The following FBXL7 variants were observed in gnomAD, a reference collection of about 807,000 sequenced individuals.
FBXL7 encodes F-box/LRR-repeat protein 7.
FBXL7 carries 12 observed loss-of-function variants against 38.3 expected under a neutral mutation model. The ratio of observed to expected loss-of-function variants is 0.31; its 90% CI spans 0.20 to 0.51. The LOEUF (loss-of-function observed/expected upper bound fraction) is 0.51, where lower values mean the gene tolerates loss of function less well. FBXL7 is among the 20% of genes least tolerant of loss of function. FBXL7 has a pLI of 0.98. For missense variants in FBXL7, 567 were observed against 676.4 expected (o/e 0.84, Z 1.79); for synonymous variants, 297 against 300.9 (o/e 0.99, Z 0.13).
intron 1 of FBXL7, among the ~76,000 whole-genome samples, chr5:15,509,697 C>T (rs773659902): frequency 6.6e-6 from 1 of 152,124 alleles, no homozygotes; most frequent in Non-Finnish European, 1.5e-5. Context: ...GAGATTCTCC[C>T]TGGTTATCCT....
At chr5:15,671,295 C>G (rs773130333) in intron 2 of FBXL7, among the ~76,000 whole-genome samples, 1 of 152,186 alleles carries the variant, frequency 6.6e-6, no homozygotes, top group Non-Finnish European at 1.5e-5. Flanking sequence ...CTAACTAACT[C>G]TTGCCCCTTC....
intron 2 of FBXL7, among the ~76,000 whole-genome samples, chr5:15,811,509 CT>C (rs1737857984): frequency 6.6e-6 from 1 of 152,028 alleles, no homozygotes; most frequent in African/African-American, 2.4e-5. Context: ...CTTTAAGTTA[CT>C]TACCTTTTTA....
chr5:15,764,180 C>G (rs556609650), intron 2 of FBXL7, among the ~76,000 whole-genome samples: 2 of 152,138 alleles, frequency 1.3e-5, no homozygotes, highest in Non-Finnish European at 2.9e-5. Context: ...GATTGAGTAT[C>G]AATATGTTGT....
chr5:15,862,550 T>A (rs888230110), intron 2 of FBXL7, among the ~76,000 whole-genome samples: 3 of 152,220 alleles, frequency 2.0e-5, no homozygotes, highest in African/African-American at 7.2e-5. Flanking sequence ...ATTAACAAAT[T>A]AAGGAAACAA....
intron 1 of FBXL7, among the ~76,000 whole-genome samples, chr5:15,509,958 A>G (rs921893624): frequency 1.3e-5 from 2 of 152,218 alleles, no homozygotes; most frequent in Non-Finnish European, 2.9e-5. Flanking sequence ...ATCACTGACC[A>G]TCTCTGAATT....
chr5:15,827,162 T>C (rs1738338136), intron 2 of FBXL7, among the ~76,000 whole-genome samples: 2 of 152,152 alleles, frequency 1.3e-5, no homozygotes, highest in South Asian at 4.1e-4. Context: ...TCTGCCTTTG[T>C]GTAGATTCTG....
rs58115981 is a variant in FBXL7 at position 15,884,249 on chromosome 5, CTTCT to C, written c.128-43619_128-43616del. 3.4e-3 allele frequency among the ~76,000 whole-genome samples: 509 copies of C among 150,594 alleles called. 5 individuals are homozygous for C. Among genetic ancestry groups the C allele is most frequent in the African/African-American group, 0.012 (480 of 40,850 alleles). On this transcript the variant is annotated intron_variant, in intron 2 of 3. Coordinates refer to ENST00000504595, the MANE Select transcript of FBXL7 (RefSeq NM_012304.5). ...CACTAATACTATGGGATCAGGGAAT[CTTCT>C]TTCTTTCTTTCTTTCTTTCTTCTTT...
In FBXL7 at chr5:15,770,491, C is replaced by T. The variant is rs1048537587; in HGVS notation, c.127+154419C>T. ...GAGTGGAATTCTGGCAGCCAACTTA[C>T]GACCGTGAGGCAGAGCCCAAGAAAG... On this transcript the variant is annotated intron_variant, in intron 2 of 3. Coordinates refer to ENST00000504595, the MANE Select transcript of FBXL7 (RefSeq NM_012304.5). Among the ~76,000 whole-genome samples, 8 of 152,180 alleles carry T rather than the reference C, an allele frequency of 5.3e-5. No homozygotes were observed. The South Asian group carries it at 6.2e-4, about 12-fold the overall frequency.
chr5:15,757,309 C>T (rs1328392986), intron 2 of FBXL7, among the ~76,000 whole-genome samples: 1 of 151,982 alleles, frequency 6.6e-6, no homozygotes, highest in East Asian at 1.9e-4. Context: ...TTCAAAGAGG[C>T]TATTAGGAGG....
At chr5:15,916,846 G>T (rs926502848) in intron 2 of FBXL7, among the ~76,000 whole-genome samples, 10 of 152,206 alleles carry the variant, frequency 6.6e-5, no homozygotes, top group Non-Finnish European at 1.5e-4. Context: ...AAAGATGGGA[G>T]TATTCCAGGG....
At chr5:15,880,492 A>G (rs113573354) in intron 2 of FBXL7, among the ~76,000 whole-genome samples, 2 of 152,162 alleles carry the variant, frequency 1.3e-5, no homozygotes, top group African/African-American at 4.8e-5. Context: ...CCAGTGACAA[A>G]GACAGAAGTA....
chr5:15,870,739 T>C (rs1739919600), intron 2 of FBXL7, among the ~76,000 whole-genome samples: 1 of 152,216 alleles, frequency 6.6e-6, no homozygotes, highest in Admixed American at 6.5e-5. Context: ...ACAGAGCCAC[T>C]ATAGCCAGAA....
intron 2 of FBXL7, among the ~76,000 whole-genome samples, chr5:15,889,494 G>A (rs967341819): frequency 1.3e-5 from 2 of 152,212 alleles, no homozygotes; most frequent in Non-Finnish European, 2.9e-5. Context: ...AGTTAAAGCA[G>A]CAGAAGCTAC....
chr5:15,896,865 G>A (rs1741115616), intron 2 of FBXL7, among the ~76,000 whole-genome samples: 1 of 152,194 alleles, frequency 6.6e-6, no homozygotes, highest in African/African-American at 2.4e-5. Context: ...CTGGCATGGT[G>A]GGCCTTGCCT....
chr5:15,603,199 T>G (rs144362622), intron 1 of FBXL7, among the ~76,000 whole-genome samples: 1 of 152,208 alleles, frequency 6.6e-6, no homozygotes, highest in Non-Finnish European at 1.5e-5. Context: ...TAGCCTAATA[T>G]GAACTGTGTC....
chr5:15,731,283 C>T (rs1462584040), intron 2 of FBXL7, among the ~76,000 whole-genome samples: 1 of 152,176 alleles, frequency 6.6e-6, no homozygotes, highest in African/African-American at 2.4e-5. Flanking sequence ...TTCCACGTGG[C>T]TAGGGAAGCC....
intron 2 of FBXL7, among the ~76,000 whole-genome samples, chr5:15,805,585 A>G (rs1737689415): frequency 6.6e-6 from 1 of 152,160 alleles, no homozygotes; most frequent in African/African-American, 2.4e-5. Context: ...GAAAAAACCT[A>G]TTTTAGAAGT....
intron 2 of FBXL7, among the ~76,000 whole-genome samples, chr5:15,775,468 A>G (rs1736834450): frequency 6.6e-6 from 1 of 152,052 alleles, no homozygotes; most frequent in Non-Finnish European, 1.5e-5. Context: ...TTTCTCCCCA[A>G]GCTTCATCCC....
At chr5:15,697,549 G>A (rs1380195406) in intron 2 of FBXL7, among the ~76,000 whole-genome samples, 1 of 151,696 alleles carries the variant, frequency 6.6e-6, no homozygotes, top group East Asian at 1.9e-4. Context: ...ACGTTGAATG[G>A]GCAGAGAGAC....
Sources: gnomAD v4.1 joint callset for allele counts (sites outside exome capture counted in the v4.1 genomes callset) on GRCh38, gnomAD v4.1.1 for gene constraint, MANE v1.5 for transcripts, NCBI Gene and HGNC (gene_info 2026-07-23, HGNC 2026-07-21) for gene names.